Variants in FRY observed in about 807,000 individuals in gnomAD.
FRY encodes the protein FRY microtubule binding protein, also known as protein furry homolog.
FRY carries 128 observed loss-of-function variants against 348.4 expected under a neutral mutation model. The observed-to-expected ratio is 0.37, with a 90% CI of 0.32 to 0.43. The LOEUF (loss-of-function observed/expected upper bound fraction) is 0.43, where lower values mean the gene tolerates loss of function less well. FRY is among the 20% of genes least tolerant of loss of function. FRY has a pLI of 1.00. For synonymous variants in FRY, 1,370 were observed against 1,374.7 expected (o/e 1.00, Z 0.08); for missense variants, 2,736 against 3,695.2 (o/e 0.74, Z 6.73).
chr13:32,130,565 T>G (rs1490790249), intron 7 of FRY, among the ~76,000 whole-genome samples: 1 of 151,804 alleles, frequency 6.6e-6, no homozygotes, highest in Non-Finnish European at 1.5e-5. Context: ...ATTTCTCTAC[T>G]CTTAGGTACT....
intron 3 of FRY, among the ~76,000 whole-genome samples, chr13:32,113,521 C>T (rs1320137898): frequency 1.3e-5 from 2 of 152,114 alleles, no homozygotes; most frequent in African/African-American, 4.8e-5. Context: ...TGTATCCCCC[C>T]AAAAAAGAAA....
intron 48 of FRY, among the ~76,000 whole-genome samples, chr13:32,248,724 T>C (rs1886926489): frequency 6.6e-6 from 1 of 152,216 alleles, no homozygotes; most frequent in Non-Finnish European, 1.5e-5. Context: ...TATTAAGGTT[T>C]CAATTTAATC....
intron 1 of FRY, among the ~76,000 whole-genome samples, chr13:32,044,803 A>G (rs917166183): frequency 4.6e-5 from 7 of 152,220 alleles, no homozygotes; most frequent in African/African-American, 1.7e-4. Flanking sequence ...TGCTGCTTCC[A>G]GCCTTTGGAC....
At chr13:32,242,602 T>C (rs1161483329) in intron 46 of FRY, among the ~76,000 whole-genome samples, 1 of 152,216 alleles carries the variant, frequency 6.6e-6, no homozygotes, top group Admixed American at 6.5e-5. Context: ...CAACATGACG[T>C]TGGCTCACTG....
chr13:32,048,425 A>G (rs1447799384), intron 1 of FRY, among the ~76,000 whole-genome samples: 8 of 152,230 alleles, frequency 5.3e-5, no homozygotes, highest in Admixed American at 5.2e-4. Context: ...CTCTGGGCAG[A>G]TATGTCCATG....
chr13:32,034,444 T>C (rs1051445704), intron 1 of FRY, among the ~76,000 whole-genome samples: 2 of 152,236 alleles, frequency 1.3e-5, no homozygotes, highest in African/African-American at 2.4e-5. Context: ...TCTGTCATGC[T>C]GCCCTTTGAT....
At chr13:32,103,821 G>A (rs1029574803) in intron 3 of FRY, among the ~76,000 whole-genome samples, 3 of 152,030 alleles carry the variant, frequency 2.0e-5, no homozygotes, top group Non-Finnish European at 4.4e-5. Flanking sequence ...AAAAGAATTA[G>A]CCAGGCATAG....
intron 29 of FRY, among the ~76,000 whole-genome samples, chr13:32,196,271 T>A (rs183133849): frequency 1.5e-3 from 230 of 152,342 alleles, no homozygotes; most frequent in Non-Finnish European, 2.6e-3. Flanking sequence ...AGATAAATAA[T>A]GATCTCCTCC....
At chr13:32,086,867 T>A (rs542418490) in intron 2 of FRY, among the ~76,000 whole-genome samples, 195 of 152,078 alleles carry the variant, frequency 1.3e-3, no homozygotes, top group Non-Finnish European at 1.9e-3. Flanking sequence ...TGAGTGAAAA[T>A]GGGGATTTTC....
At chr13:32,192,481 T>C (rs920823708) in intron 28 of FRY, among the ~76,000 whole-genome samples, 1 of 151,554 alleles carries the variant, frequency 6.6e-6, no homozygotes, top group South Asian at 2.1e-4. Flanking sequence ...CCTGGCTAAT[T>C]TTTTGTATTT....
intron 48 of FRY, among the ~76,000 whole-genome samples, chr13:32,248,964 G>A (rs944645538): frequency 6.6e-6 from 1 of 152,236 alleles, no homozygotes; most frequent in Non-Finnish European, 1.5e-5. Context: ...CTGCAGAGGA[G>A]GCCTGCTCGG....
At chr13:32,254,451 C>T (rs1887236262) in intron 51 of FRY, 57 bp downstream of exon 51, 1 of 1,439,646 alleles carries the variant, frequency 6.9e-7, no homozygotes, top group Non-Finnish European at 9.8e-7. Context: ...ACTAATGAAA[C>T]TATTCTTTTT....
intron 51 of FRY, among the ~76,000 whole-genome samples, chr13:32,255,778 TC>T (rs1283708720): frequency 6.6e-6 from 1 of 152,216 alleles, no homozygotes; most frequent in Non-Finnish European, 1.5e-5. Context: ...TTGAATACTT[TC>T]AAAAATGTCT....
intron 17 of FRY, among the ~76,000 whole-genome samples, chr13:32,167,463 G>A (rs1319430295): frequency 6.6e-6 from 1 of 152,134 alleles, no homozygotes; most frequent in African/African-American, 2.4e-5. Flanking sequence ...CATTATCCAC[G>A]TGTGTTGTCT....
intron 54 of FRY, among the ~76,000 whole-genome samples, chr13:32,266,421 G>A (rs542851711): frequency 2.2e-4 from 34 of 152,124 alleles, no homozygotes; most frequent in Admixed American, 5.9e-4. Flanking sequence ...TGTCTTCCAG[G>A]CATTTGTGCA....
intron 59 of FRY, among the ~76,000 whole-genome samples, chr13:32,290,059 T>C (rs915237873): frequency 1.1e-4 from 17 of 152,218 alleles, no homozygotes; most frequent in African/African-American, 4.1e-4. Flanking sequence ...CATCCTTATT[T>C]GAAAACTTTC....
chr13:32,163,022 G>C (rs1194134360), intron 17 of FRY, among the ~76,000 whole-genome samples: 2 of 152,194 alleles, frequency 1.3e-5, no homozygotes, highest in Admixed American at 1.3e-4. Context: ...GAGGGAAAGA[G>C]AGACTAAGAC....
chr13:32,119,916 C>T (rs184343097), intron 4 of FRY, among the ~76,000 whole-genome samples: 4 of 152,298 alleles, frequency 2.6e-5, no homozygotes, highest in Admixed American at 2.0e-4. Context: ...TCCTTCTTAA[C>T]GCGTTCTGTC....
At chr13:32,051,771 G>A (rs930301426) in intron 1 of FRY, among the ~76,000 whole-genome samples, 3 of 152,192 alleles carry the variant, frequency 2.0e-5, no homozygotes, top group African/African-American at 2.4e-5. Flanking sequence ...GATAATTTGC[G>A]AAGTATGAGG....
Sources: gnomAD v4.1 joint callset for allele counts (sites outside exome capture counted in the v4.1 genomes callset) on GRCh38, gnomAD v4.1.1 for gene constraint, MANE v1.5 for transcripts, NCBI Gene and HGNC (gene_info 2026-07-23, HGNC 2026-07-21) for gene names.